TARDBP: variants seen among roughly 807,000 people sequenced by gnomAD.
TARDBP encodes the protein TAR DNA-binding protein 43.
A neutral mutation model predicts 38.3 loss-of-function variants in TARDBP; 4 were observed. The ratio of observed to expected loss-of-function variants is 0.10; its 90% CI spans 0.05 to 0.24. TARDBP has a LOEUF of 0.24. Among genes scored for constraint, TARDBP ranks in the 10% least tolerant of loss-of-function variants. TARDBP has a pLI of 1.00. For synonymous variants in TARDBP, 184 were observed against 183.8 expected (o/e 1.00, Z -0.01); for missense variants, 202 against 521.9 (o/e 0.39, Z 5.97).
intron 3 of TARDBP, 187 bp from the exon 4 acceptor site, chr1:11,018,546 C>G (rs1643574985): frequency 2.7e-6 from 2 of 748,958 alleles, no homozygotes; most frequent in Admixed American, 5.4e-5. Flanking sequence ...GAGTTTTGCT[C>G]TGTTGTTAAC....
At position 11,013,871 on chromosome 1, in the gene TARDBP, T is replaced by G. The variant is rs1237709070; in HGVS notation, c.144T>G (p.Ser48=). The change falls in exon 2 of 6, where the codon TCT becomes TCG. Residue 48 remains serine, a synonymous_variant. Coordinates refer to ENST00000240185, the MANE Select transcript of TARDBP (RefSeq NM_007375.4). ...GGCTTCGCTACAGGAATCCAGTGTC[T>G]CAGTGTATGAGAGGTGTCCGGCTGG... ...ACGLRYRNPV[S]QCMRGVRLVE... The G allele has an allele frequency of 6.2e-7, 1 of 1,614,186 alleles. No individual in the cohort carries two copies. Among genetic ancestry groups the G allele is most frequent in the East Asian group, 2.2e-5 (1 of 44,886 alleles).
intron 4 of TARDBP, among the ~76,000 whole-genome samples, chr1:11,019,638 C>T (rs924468056): frequency 2.0e-5 from 3 of 152,084 alleles, no homozygotes; most frequent in African/African-American, 7.2e-5. Flanking sequence ...GCAATCTCAG[C>T]TCACTGCAAG....
At chr1:11,016,082 C>G (rs1643518354) in intron 2 of TARDBP, 1 of 151,870 alleles carries the variant, frequency 6.6e-6, no homozygotes, top group African/African-American at 2.4e-5. Flanking sequence ...GGATTACAGG[C>G]ACCTGCCACC....
rs3835416 is a variant in TARDBP, at chr1:11,021,997, AG to A, written c.715-126del. ...CTGTATTGGGGGTTTAAATGAAATGAGTGTTCATTGCTTATTTTTCCTCTGG... is the reference window on the plus strand; with the variant it reads ...CTGTATTGGGGGTTTAAATGAAATGATGTTCATTGCTTATTTTTCCTCTGG... On this transcript the variant is annotated intron_variant, in intron 5 of 5. Coordinates refer to ENST00000240185, the MANE Select transcript of TARDBP (RefSeq NM_007375.4). 0.76 allele frequency: 817,123 copies of A among 1,072,176 alleles called. 322,188 individuals carry two copies. The highest frequency in any genetic ancestry group is 0.82 in the Non-Finnish European group (586,299 of 717,638). The allele number at this position is 1,072,176 out of a possible 1,614,324, so 66.4% of individuals were successfully genotyped here. A position where few individuals can be genotyped will look rare whatever the true frequency, so the allele number is the denominator to read the frequency against.
intron 5 of TARDBP, 150 bp downstream of exon 5, chr1:11,020,749 A>C: frequency 1.4e-6 from 1 of 692,040 alleles, no homozygotes. Context: ...CTATTAAAAT[A>C]CAAAAAAAAA....
intron 4 of TARDBP, chr1:11,019,317 A>G (rs1471700942): frequency 6.5e-6 from 2 of 307,426 alleles, no homozygotes; most frequent in Non-Finnish European, 1.2e-5. Context: ...AAACACAGTC[A>G]TGTATCACAT....
chr1:11,012,914 C>T (rs1429997282), intron 1 of TARDBP, among the ~76,000 whole-genome samples, 171 bp downstream of exon 1: 1 of 152,200 alleles, frequency 6.6e-6, no homozygotes, highest in South Asian at 2.1e-4. Flanking sequence ...GGTCCTGGCA[C>T]GGGGAGGCCG....
At chr1:11,026,700 G>A, downstream of TARDBP, 1 of 446,112 alleles carries the variant, frequency 2.2e-6, no homozygotes. Context: ...TTGAGTCAAT[G>A]GGTAAGGCTG....
At chr1:11,026,451 A>AC (rs1276910620), downstream of TARDBP, 1 of 153,872 alleles carries the variant, frequency 6.5e-6, no homozygotes, top group Non-Finnish European at 1.4e-5. Flanking sequence ...TTTCCAACCT[A>AC]CCTACCCAAA....
chr1:11,017,044 A>G (rs1165748349), intron 3 of TARDBP, 37 bp downstream of exon 3: 2 of 1,603,088 alleles, frequency 1.2e-6, no homozygotes. Context: ...TTTCTTTACC[A>G]GTGAATGAGT....
intron 3 of TARDBP, among the ~76,000 whole-genome samples, chr1:11,017,992 C>A (rs1186244693): frequency 6.6e-6 from 1 of 152,014 alleles, no homozygotes; most frequent in Non-Finnish European, 1.5e-5. Context: ...ATGCCATTCT[C>A]CTGCCTCAGC....
chr1:11,021,944 T>C (rs1180850344), intron 5 of TARDBP, among the ~76,000 whole-genome samples, 180 bp from the exon 6 acceptor site: 2 of 152,292 alleles, frequency 1.3e-5, no homozygotes, highest in South Asian at 2.1e-4. Flanking sequence ...GACTGAAATA[T>C]CACTGCTGCT....
At position 11,022,531 on chromosome 1, in the gene TARDBP, T is replaced by C. The variant is rs147795017; in HGVS notation, c.1122T>C (p.Tyr374=). The C allele has an allele frequency of 4.4e-5, 70 of 1,589,568 alleles. No individual in the cohort carries two copies. The highest frequency in any genetic ancestry group is 5.7e-5 in the South Asian group (5 of 88,098). Reference sequence around the variant, plus strand: ...CCTTCGGTTCTGGAAATAACTCTTATAGTGGCTCTAATTCTGGTGCAGCAA... The same window carrying C: ...CCTTCGGTTCTGGAAATAACTCTTACAGTGGCTCTAATTCTGGTGCAGCAA... The part of the protein sequence containing the change: ...NQAFGSGNNS[Y]SGSNSGAAIG... Residue 374 remains tyrosine, a synonymous_variant, in exon 6 of 6, where the codon TAT becomes TAC. Transcript: ENST00000240185. The surrounding 1 kb of genome is among the most constrained non-coding windows in gnomAD (Gnocchi z 4.5).
Position 11,023,097 on chromosome 1 carries a change from G to A in TARDBP, c.*443G>A. Reference sequence around the variant, plus strand: ...AGAAAATCTCCTTTTAGGAGATCATGGTGTCACAGTGTTTGGTTCTTTTGT... The same window carrying A: ...AGAAAATCTCCTTTTAGGAGATCATAGTGTCACAGTGTTTGGTTCTTTTGT... On this transcript the variant is annotated 3_prime_UTR_variant, in exon 6 of 6. Coordinates refer to ENST00000240185, the MANE Select transcript of TARDBP (RefSeq NM_007375.4). The A allele has an allele frequency of 6.6e-7, 1 of 1,512,578 alleles. No homozygotes were observed. Among genetic ancestry groups the A allele is most frequent in the Non-Finnish European group, 8.9e-7 (1 of 1,125,878 alleles). The allele number at this position is 1,512,578 out of a possible 1,614,324, so 93.7% of individuals were successfully genotyped here.
intron 5 of TARDBP, among the ~76,000 whole-genome samples, chr1:11,020,912 C>CA (rs879777254): frequency 0.016 from 2,354 of 145,342 alleles, 33 homozygotes; most frequent in Middle Eastern, 0.025. Flanking sequence ...GACTCTGTCT[C>CA]AAAAAAAAAA....
At chr1:11,015,067 G>A (rs749368830) in intron 2 of TARDBP, among the ~76,000 whole-genome samples, 8 of 150,532 alleles carry the variant, frequency 5.3e-5, no homozygotes, top group African/African-American at 1.7e-4. Flanking sequence ...AGGTCGCGCC[G>A]CTACACTCCA....
At chr1:11,016,773 A>T in intron 2 of TARDBP, 71 bp from the exon 3 acceptor site, 1 of 1,485,482 alleles carries the variant, frequency 6.7e-7, no homozygotes, top group South Asian at 1.2e-5. Flanking sequence ...TCATTTCTAG[A>T]TGTAGGAGGT....
rs1477212189 is a variant in TARDBP at position 11,022,203 on chromosome 1, A to G, written c.794A>G (p.Asn265Ser). ...VHISNAEPKH[N>S]SNRQLERSGR... ...ATATCCAATGCCGAACCTAAGCACA[A>G]TAGCAATAGACAGTTAGAAAGAAGT... Residue 265 changes from asparagine to serine, a missense_variant, in exon 6 of 6, where the codon AAT becomes AGT. Around this residue, in one of 5 missense-constraint regions of TARDBP, gnomAD observed 107 missense variants for 190.5 expected, o/e 0.56. Transcript: ENST00000240185. The surrounding 1 kb of genome is among the most constrained non-coding windows in gnomAD (Gnocchi z 4.5). The G allele has an allele frequency of 2.5e-6, 4 of 1,614,026 alleles. No individual in the cohort carries two copies. The highest frequency in any genetic ancestry group is 1.1e-5 in the South Asian group (1 of 91,078).
chr1:11,030,173 T>A, downstream of TARDBP: 1 of 1,608,092 alleles, frequency 6.2e-7, no homozygotes, highest in South Asian at 1.1e-5. Context: ...ATGTATCCAT[T>A]ACCAGGCTCA....
Sources: gnomAD v4.1 joint callset for allele counts (sites outside exome capture counted in the v4.1 genomes callset) on GRCh38, gnomAD v4.1.1 for gene constraint, gnomAD v4.1.1 regional missense constraint, Gnocchi (gnomAD v3.1) non-coding constraint, MANE v1.5 for transcripts, NCBI Gene and HGNC (gene_info 2026-07-23, HGNC 2026-07-21) for gene names.